SCRG1: variants seen among roughly 807,000 people sequenced by gnomAD.
SCRG1 encodes the protein scrapie-responsive protein 1.
SCRG1 carries 3 observed loss-of-function variants against 7.7 expected under a neutral mutation model. That is an observed-to-expected ratio of 0.39 (90% CI 0.18 to 1.01). SCRG1 has a LOEUF of 1.01. Among genes scored for constraint, SCRG1 ranks in the 50% least tolerant of loss-of-function variants. SCRG1 has a pLI of 0.36. For synonymous variants in SCRG1, 46 were observed against 41.2 expected (o/e 1.12, Z -0.44); for missense variants, 110 against 117.2 (o/e 0.94, Z 0.28).
chr4:173,391,460 T>C, intron 1 of SCRG1, 32 bp from the exon 2 acceptor site: 1 of 1,608,172 alleles, frequency 6.2e-7, no homozygotes, highest in Non-Finnish European at 8.5e-7. Flanking sequence ...AATGTGTCAA[T>C]GTTTGTTTTT....
chr4:173,518,560 C>T, the SCRG1 span, among the ~76,000 whole-genome samples: 1 of 152,094 alleles, frequency 6.6e-6, no homozygotes, highest in African/African-American at 2.4e-5. Flanking sequence ...TTGGAGAGGC[C>T]TCAGTACAGC....
the SCRG1 span, among the ~76,000 whole-genome samples, chr4:173,461,484 G>A: frequency 6.6e-6 from 1 of 152,224 alleles, no homozygotes; most frequent in Non-Finnish European, 1.5e-5. Context: ...CTACGAGACT[G>A]CAAGAACCAC....
chr4:173,441,871 C>T, the SCRG1 span, among the ~76,000 whole-genome samples: 1 of 152,038 alleles, frequency 6.6e-6, no homozygotes, highest in Non-Finnish European at 1.5e-5. Context: ...ACAGCAAGAC[C>T]CTGTCTCTCA....
At chr4:173,454,173 A>G in the SCRG1 span, among the ~76,000 whole-genome samples, 1 of 151,970 alleles carries the variant, frequency 6.6e-6, no homozygotes, top group Non-Finnish European at 1.5e-5. Context: ...GAAGGTGGAG[A>G]TCGCTTTTAC....
the SCRG1 span, among the ~76,000 whole-genome samples, chr4:173,473,639 G>C: frequency 6.6e-6 from 1 of 152,166 alleles, no homozygotes; most frequent in Non-Finnish European, 1.5e-5. Flanking sequence ...AGGAAAAAGA[G>C]GCAGGGCTCA....
chr4:173,483,813 A>ATATGATATATCATATATC, the SCRG1 span, among the ~76,000 whole-genome samples: 1 of 12,980 alleles, frequency 7.7e-5, no homozygotes, highest in African/African-American at 1.5e-4. Context: ...TATGATATGT[A>ATATGATATATCATATATC]ATATATATAA....
the SCRG1 span, among the ~76,000 whole-genome samples, chr4:173,440,381 G>A: frequency 6.6e-6 from 1 of 152,216 alleles, no homozygotes; most frequent in East Asian, 1.9e-4. Context: ...ATGGGTTAGT[G>A]GGAATTTGAA....
At chr4:173,391,035 A>AT in intron 2 of SCRG1, 138 bp downstream of exon 2, 1 of 825,694 alleles carries the variant, frequency 1.2e-6, no homozygotes, top group Non-Finnish European at 2.0e-6. Flanking sequence ...AATAGTGATT[A>AT]TTCTAGAAAA....
the SCRG1 span, among the ~76,000 whole-genome samples, chr4:173,443,431 AC>A: frequency 1.3e-5 from 2 of 152,152 alleles, no homozygotes; most frequent in Admixed American, 1.3e-4. Flanking sequence ...ATGCCAAACA[AC>A]CCCTTGGCAT....
the SCRG1 span, among the ~76,000 whole-genome samples, chr4:173,477,229 C>T: frequency 5.9e-5 from 9 of 152,042 alleles, no homozygotes; most frequent in Non-Finnish European, 1.2e-4. Context: ...CTGCAACTTC[C>T]AGAATGAAAA....
rs964192419 is a variant in SCRG1 at position 173,387,781 on chromosome 4, T to G, written c.*560A>C. On this transcript the variant is annotated 3_prime_UTR_variant, in exon 3 of 3. Transcript: ENST00000296506. ...AGGCTAGAGTGCAGTAGTGCAATCA[T>G]AGCTCACTGCAGACTCGAAATTCTA... The G allele has an allele frequency of 2.2e-5, 3 of 136,622 alleles. No individual in the cohort carries two copies. Among genetic ancestry groups the G allele is most frequent in the African/African-American group, 8.1e-5 (3 of 37,232 alleles). 8.5% of individuals were successfully genotyped at this position (136,622 alleles called of 1,614,324 possible).
the SCRG1 span, among the ~76,000 whole-genome samples, chr4:173,482,772 T>A: frequency 6.6e-6 from 1 of 150,918 alleles, no homozygotes; most frequent in Admixed American, 6.7e-5. Flanking sequence ...GAGCTATGAA[T>A]GTGCCACTGG....
At chr4:173,472,391 C>G in the SCRG1 span, among the ~76,000 whole-genome samples, 2 of 152,130 alleles carry the variant, frequency 1.3e-5, no homozygotes, top group African/African-American at 4.8e-5. Context: ...TCCAGAGAGA[C>G]AGAACTAATA....
At chr4:173,457,789 TG>T in the SCRG1 span, among the ~76,000 whole-genome samples, 1 of 152,214 alleles carries the variant, frequency 6.6e-6, no homozygotes, top group African/African-American at 2.4e-5. Context: ...CTATACTACC[TG>T]GAGAGCTTGA....
the SCRG1 span, among the ~76,000 whole-genome samples, chr4:173,487,175 A>G: frequency 6.6e-6 from 1 of 152,164 alleles, no homozygotes; most frequent in Non-Finnish European, 1.5e-5. Context: ...TGAGAATACT[A>G]ATTGAGGCAA....
chr4:173,425,147 A>G, the SCRG1 span, among the ~76,000 whole-genome samples: 1 of 152,204 alleles, frequency 6.6e-6, no homozygotes, highest in South Asian at 2.1e-4. Context: ...CTGTAACATC[A>G]TTGGAAAAAC....
At chr4:173,493,801 T>G in the SCRG1 span, among the ~76,000 whole-genome samples, 1 of 152,134 alleles carries the variant, frequency 6.6e-6, no homozygotes, top group South Asian at 2.1e-4. Context: ...ATTTCAGATT[T>G]GGTGGTATTT....
chr4:173,411,917 G>A, the SCRG1 span, among the ~76,000 whole-genome samples: 1 of 152,248 alleles, frequency 6.6e-6, no homozygotes, highest in East Asian at 1.9e-4. Context: ...AGAGTGATTG[G>A]GTGGGGTGCC....
At chr4:173,511,162 G>A in the SCRG1 span, among the ~76,000 whole-genome samples, 3 of 151,850 alleles carry the variant, frequency 2.0e-5, no homozygotes, top group African/African-American at 4.8e-5. The surrounding 1 kb of genome is among the most constrained non-coding windows in gnomAD (Gnocchi z 5.2). Flanking sequence ...GAGACGGGGT[G>A]GGGGGGTGTT....
Sources: allele counts gnomAD v4.1 joint callset (sites outside exome capture counted in the v4.1 genomes callset), GRCh38; gene constraint gnomAD v4.1.1; non-coding constraint Gnocchi (gnomAD v3.1); transcripts MANE v1.5; gene names NCBI Gene and HGNC (gene_info 2026-07-23, HGNC 2026-07-21).